Variants in RIBC2 observed in about 807,000 individuals in gnomAD.
The protein encoded by RIBC2 is RIB43A domain with coiled-coils 2, also known as RIB43A-like with coiled-coils protein 2.
A neutral mutation model predicts 44.3 loss-of-function variants in RIBC2; 40 were observed. The ratio of observed to expected loss-of-function variants is 0.90; its 90% CI spans 0.70 to 1.18. RIBC2 has a LOEUF of 1.18. Ranked by LOEUF, RIBC2 falls within the 50% of genes most tolerant of loss-of-function variation. RIBC2 has a pLI of 0.00. For synonymous variants in RIBC2, 171 were observed against 175.0 expected (o/e 0.98, Z 0.18); for missense variants, 459 against 485.5 (o/e 0.95, Z 0.51).
chr22:45,429,770 T>C (rs768474863), intron 5 of RIBC2, among the ~76,000 whole-genome samples: 15 of 152,162 alleles, frequency 9.9e-5, no homozygotes, highest in Non-Finnish European at 1.9e-4. Flanking sequence ...CCGGCCATCC[T>C]GAAAGCAGTA....
Position 45,432,428 on chromosome 22 carries a change from C to T in RIBC2, c.*66C>T. On this transcript the variant is annotated 3_prime_UTR_variant, in exon 7 of 7. Transcript: ENST00000614167. Reference sequence around the variant, plus strand: ...GTGGCTACCTTAAAGAGTCACGTTTCTTTTTTAAAGATACACTCCTTGGGC... The same window carrying T: ...GTGGCTACCTTAAAGAGTCACGTTTTTTTTTTAAAGATACACTCCTTGGGC... 1 of 1,115,262 alleles carries T rather than the reference C, an allele frequency of 9.0e-7. No individual in the cohort carries two copies. The highest frequency in any genetic ancestry group is 1.3e-5 in the South Asian group (1 of 74,308). 69.1% of individuals were successfully genotyped at this position (1,115,262 alleles called of 1,614,324 possible). A position where few individuals can be genotyped will look rare whatever the true frequency, so the allele number is the denominator to read the frequency against.
chr22:45,430,712 G>C (rs1227527841), intron 5 of RIBC2, among the ~76,000 whole-genome samples, 188 bp from the exon 6 acceptor site: 1 of 152,136 alleles, frequency 6.6e-6, no homozygotes, highest in East Asian at 1.9e-4. Flanking sequence ...AGGGCAGCTG[G>C]GCCACATGGA....
In RIBC2 at chr22:45,427,152, T is replaced by C. The variant is rs182959028; in HGVS notation, c.903+977T>C. 5.4e-3 allele frequency among the ~76,000 whole-genome samples: 823 copies of C among 152,310 alleles called. 3 individuals are homozygous for C. Among genetic ancestry groups the C allele is most frequent in the Non-Finnish European group, 9.1e-3 (622 of 68,020 alleles). On this transcript the variant is annotated intron_variant, in intron 5 of 6. Transcript: ENST00000614167. ...CCTGAATGTGGCAGAAAACCACACA[T>C]AACAGCATCTTAAACAAAATAGAAC...
At chr22:45,423,647 A>T (rs1377475105) in intron 4 of RIBC2, among the ~76,000 whole-genome samples, 1 of 152,202 alleles carries the variant, frequency 6.6e-6, no homozygotes, top group African/African-American at 2.4e-5. Flanking sequence ...TGGACCAGAC[A>T]CCAGAGAATG....
intron 5 of RIBC2, among the ~76,000 whole-genome samples, chr22:45,428,499 G>A (rs1464421806): frequency 2.6e-5 from 4 of 152,118 alleles, no homozygotes; most frequent in Admixed American, 6.5e-5. Flanking sequence ...GCAGGAGAGC[G>A]AGGGACATGG....
intron 3 of RIBC2, among the ~76,000 whole-genome samples, chr22:45,418,624 G>A (rs1230526431): frequency 6.6e-6 from 1 of 152,190 alleles, no homozygotes; most frequent in Non-Finnish European, 1.5e-5. Context: ...CTCTTGGGGT[G>A]TGTCAGCGGG....
chr22:45,425,995 A>T lies in RIBC2; in HGVS notation c.723A>T (p.Gln241His), dbSNP rs1365376210. The change falls in exon 5 of 7, where the codon CAA becomes CAT. Residue 241 changes from glutamine (Q) to histidine (H), a missense_variant. Gln to His is a conservative substitution (Grantham distance 24). Coordinates refer to ENST00000614167, the MANE Select transcript of RIBC2 (RefSeq NM_015653.5). ...AAAAGCAAGAGAAAAAGCAAGAACA[A>T]GAGGACAACTTGGCCGAGATCACCA... ...ERKKQEKKQE[Q>H]EDNLAEITNL... 1 of 1,614,052 alleles carries T rather than the reference A, an allele frequency of 6.2e-7. No individual in the cohort carries two copies.
rs1174846257 is a variant in RIBC2 at position 45,414,075 on chromosome 22, G to A, written c.129+60G>A. The A allele has an allele frequency of 3.9e-6, 6 of 1,541,536 alleles. No individual in the cohort carries two copies. The Admixed American group carries it at 1.2e-4, about 30-fold the overall frequency. On this transcript the variant is annotated intron_variant, in intron 1 of 6. Coordinates refer to ENST00000614167, the MANE Select transcript of RIBC2 (RefSeq NM_015653.5). ...GCAGATGCGGGCGAGGGGCTGCGTG[G>A]AGGGGGAAAGGAGATGAGTTCTAGG... is the stretch of plus-strand genomic sequence containing the variant.
intron 2 of RIBC2, among the ~76,000 whole-genome samples, chr22:45,415,136 G>A (rs2087409009): frequency 6.7e-6 from 1 of 148,528 alleles, no homozygotes; most frequent in Non-Finnish European, 1.5e-5. Flanking sequence ...GATCACTTGA[G>A]ACCAGGAGCT....
At chr22:45,426,265 T>C in intron 5 of RIBC2, 90 bp downstream of exon 5, 3 of 1,194,466 alleles carry the variant, frequency 2.5e-6, no homozygotes, top group Non-Finnish European at 3.6e-6. Flanking sequence ...GTAGCAGGCC[T>C]TGTGCTCTGC....
chr22:45,417,996 C>G (rs1400164998), intron 3 of RIBC2, 50 bp downstream of exon 3: 1 of 1,171,986 alleles, frequency 8.5e-7, no homozygotes, highest in Non-Finnish European at 1.2e-6. Context: ...TTCAACAAAC[C>G]AACCCTACAG....
rs560711484 is a variant in RIBC2, at chr22:45,415,481, A to G, written c.211+1078A>G. On this transcript the variant is annotated intron_variant, in intron 2 of 6. Transcript: ENST00000614167. ...AATATTTTTAGTTATGAGGTAATTC[A>G]ATCTTACAAAAACAATGTGACAGGT... is the stretch of plus-strand genomic sequence containing the variant. Among the ~76,000 whole-genome samples, 498 of 152,118 alleles carry G rather than the reference A, an allele frequency of 3.3e-3. 2 individuals carry two copies. Among genetic ancestry groups the G allele is most frequent in the Non-Finnish European group, 5.1e-3 (346 of 67,992 alleles).
chr22:45,424,754 T>TC (rs5845708), intron 4 of RIBC2, among the ~76,000 whole-genome samples: 7 of 43,736 alleles, frequency 1.6e-4, no homozygotes, highest in African/African-American at 9.7e-4. Context: ...TTCTTTTTTC[T>TC]TTTTTTTTTT....
intron 5 of RIBC2, among the ~76,000 whole-genome samples, chr22:45,428,875 T>C (rs902054031): frequency 2.0e-5 from 3 of 152,142 alleles, no homozygotes; most frequent in Non-Finnish European, 4.4e-5. Flanking sequence ...CAGAGAGCAC[T>C]GTCAGGGTGT....
chr22:45,421,308 CTAT>C (rs34233704), intron 3 of RIBC2, among the ~76,000 whole-genome samples: 87,060 of 143,270 alleles, frequency 0.61, 28,500 homozygotes, highest in African/African-American at 0.85. Flanking sequence ...AATAATAATA[CTAT>C]TATTATTATT....
chr22:45,432,108 G>A (rs1219467103), intron 6 of RIBC2, among the ~76,000 whole-genome samples, 176 bp from the exon 7 acceptor site: 2 of 152,020 alleles, frequency 1.3e-5, no homozygotes, highest in Non-Finnish European at 2.9e-5. Context: ...GACCCTCGCC[G>A]CTGAGGAGCG....
Position 45,426,178 on chromosome 22 carries a change from G to T in RIBC2, c.903+3G>T. The T allele has an allele frequency of 6.2e-7, 1 of 1,610,728 alleles. No homozygotes were observed. The highest frequency in any genetic ancestry group is 1.1e-5 in the South Asian group (1 of 90,656). ...AGCAGCAAATCCAGGAGAAGCTGGTGACTGCCCCGCCCCTTTTTCCAGAGC... is the reference window on the plus strand; with the variant it reads ...AGCAGCAAATCCAGGAGAAGCTGGTTACTGCCCCGCCCCTTTTTCCAGAGC... On this transcript the variant is annotated splice_donor_region_variant and intron_variant, in intron 5 of 6. Transcript: ENST00000614167.
chr22:45,413,698 T>G lies in RIBC2; in HGVS notation c.-189T>G, dbSNP rs2087385634. The G allele has an allele frequency of 8.5e-7, 1 of 1,174,642 alleles. No individual in the cohort carries two copies. The highest frequency in any genetic ancestry group is 1.5e-5 in the South Asian group (1 of 68,626). The allele number at this position is 1,174,642 out of a possible 1,614,324, so 72.8% of individuals were successfully genotyped here. A position where few individuals can be genotyped will look rare whatever the true frequency, so the allele number is the denominator to read the frequency against. On this transcript the variant is annotated 5_prime_UTR_variant, in exon 1 of 7. Coordinates refer to ENST00000614167, the MANE Select transcript of RIBC2 (RefSeq NM_015653.5). ...GAGCCGTTCCTTAGCAACGAGTTGTTGACATTTCCGAGAGAGCGGGAGCGT... is the reference window on the plus strand; with the variant it reads ...GAGCCGTTCCTTAGCAACGAGTTGTGGACATTTCCGAGAGAGCGGGAGCGT...
chr22:45,432,146 A>G lies in RIBC2; in HGVS notation c.1071-138A>G, dbSNP rs749198603. ...TGAGATGGATCATTTTGGGGGGCTC[A>G]TTAGGTATGAAACGTATTCTGTATT... On this transcript the variant is annotated intron_variant, in intron 6 of 6. Transcript: ENST00000614167. The G allele has an allele frequency of 3.0e-5, 17 of 575,132 alleles. No individual in the cohort carries two copies. In the South Asian group the frequency reaches 4.3e-4, roughly 15 times the overall value. The allele number at this position is 575,132 out of a possible 1,614,324, so 35.6% of individuals were successfully genotyped here. A position where few individuals can be genotyped will look rare whatever the true frequency, so the allele number is the denominator to read the frequency against.
Sources: allele counts gnomAD v4.1 joint callset (sites outside exome capture counted in the v4.1 genomes callset), GRCh38; gene constraint gnomAD v4.1.1; transcripts MANE v1.5; gene names NCBI Gene and HGNC (gene_info 2026-07-23, HGNC 2026-07-21).